NRP2: variants seen among roughly 807,000 people sequenced by gnomAD.
NRP2 encodes neuropilin-2.
NRP2 carries 52 observed loss-of-function variants against 110.4 expected under a neutral mutation model. That is an observed-to-expected ratio of 0.47 (90% CI 0.38 to 0.59). The LOEUF is 0.59. Among genes scored for constraint, NRP2 ranks in the 20% least tolerant of loss-of-function variants. The pLI, the probability that NRP2 is intolerant of heterozygous loss-of-function variation, is 0.00. For missense variants in NRP2, 1,049 were observed against 1,203.0 expected (o/e 0.87, Z 1.89); for synonymous variants, 508 against 468.9 (o/e 1.08, Z -1.08).
chr2:205,697,739 C>G lies in NRP2; in HGVS notation c.251+18C>G. On this transcript the variant is annotated intron_variant, in intron 2 of 16. Coordinates refer to ENST00000357785, the MANE Select transcript of NRP2 (RefSeq NM_003872.3). ...GACTGCAAGTAAGCACCGTCCTGTCCCACTGTGTATCCCATCCATGAGATG... is the reference window on the plus strand; with the variant it reads ...GACTGCAAGTAAGCACCGTCCTGTCGCACTGTGTATCCCATCCATGAGATG... The G allele has an allele frequency of 1.2e-6, 2 of 1,612,976 alleles. No homozygotes were observed. The highest frequency in any genetic ancestry group is 1.7e-6 in the Non-Finnish European group (2 of 1,179,186).
intron 2 of NRP2, among the ~76,000 whole-genome samples, chr2:205,710,652 A>G (rs2056777834): frequency 6.6e-6 from 1 of 152,202 alleles, no homozygotes; most frequent in South Asian, 2.1e-4. Flanking sequence ...CCGACCAGAG[A>G]CCTCAGCATT....
chr2:205,702,125 A>G (rs140370776), intron 2 of NRP2, among the ~76,000 whole-genome samples: 2 of 152,214 alleles, frequency 1.3e-5, no homozygotes, highest in Non-Finnish European at 2.9e-5. Context: ...CTGTGTTAGC[A>G]TCATTGGACT....
At chr2:205,758,097 C>A (rs887653100) in intron 12 of NRP2, among the ~76,000 whole-genome samples, 1 of 152,148 alleles carries the variant, frequency 6.6e-6, no homozygotes, top group Non-Finnish European at 1.5e-5. Context: ...TATTGTAAAC[C>A]TTGAGAACAT....
intron 2 of NRP2, among the ~76,000 whole-genome samples, chr2:205,713,709 A>G (rs1254980439): frequency 1.3e-5 from 2 of 152,240 alleles, no homozygotes; most frequent in Admixed American, 6.5e-5. Context: ...GTAGCAGGAG[A>G]GTATTCCATT....
intron 12 of NRP2, among the ~76,000 whole-genome samples, chr2:205,755,899 G>A (rs1483230008): frequency 6.6e-6 from 1 of 152,180 alleles, no homozygotes; most frequent in Non-Finnish European, 1.5e-5. Context: ...TGAAGAGAAA[G>A]GTGGATGGGA....
chr2:205,790,822 G>A (rs140461014), intron 15 of NRP2, among the ~76,000 whole-genome samples: 1 of 152,168 alleles, frequency 6.6e-6, no homozygotes, highest in African/African-American at 2.4e-5. Context: ...GGGCGTTGAG[G>A]TGGGGAGGCT....
chr2:205,727,900 C>A lies in NRP2; in HGVS notation c.1000C>A (p.Arg334Ser), dbSNP rs114144673. Residue 334 changes from arginine to serine, a missense_variant, in exon 7 of 17, where the codon CGC becomes AGC. Physicochemically the swap from Arg to Ser is moderately radical, Grantham distance 110 (BLOSUM62 -1). Coordinates refer to ENST00000357785, the MANE Select transcript of NRP2 (RefSeq NM_003872.3). ...GCCCTCTATTCCCCAGGTGGACCTGCGCTTTTTAACCATGCTCACGGCCAT... is the reference window on the plus strand; with the variant it reads ...GCCCTCTATTCCCCAGGTGGACCTGAGCTTTTTAACCATGCTCACGGCCAT... ...SNKEYLQVDLRFLTMLTAIAT... is the reference protein window; with the variant it reads ...SNKEYLQVDLSFLTMLTAIAT... 3.2e-5 allele frequency: 51 copies of A among 1,613,244 alleles called. No individual in the cohort carries two copies. Among genetic ancestry groups the A allele is most frequent in the Non-Finnish European group, 4.2e-5 (50 of 1,179,644 alleles).
At chr2:205,736,711 T>C (rs1264007715) in intron 7 of NRP2, among the ~76,000 whole-genome samples, 4 of 152,238 alleles carry the variant, frequency 2.6e-5, no homozygotes, top group Admixed American at 2.0e-4. Flanking sequence ...AACCAAGGTA[T>C]CTAAGGTTTA....
At chr2:205,738,527 G>A (rs921872271) in intron 7 of NRP2, among the ~76,000 whole-genome samples, 1 of 152,186 alleles carries the variant, frequency 6.6e-6, no homozygotes, top group Non-Finnish European at 1.5e-5. Context: ...TCAGTACGAA[G>A]GAAGTAGGGT....
rs1229947464 is a variant in NRP2 at position 205,748,470 on chromosome 2, T to G, written c.1787-1255T>G. Among the ~76,000 whole-genome samples, 3 of 152,338 alleles carry G rather than the reference T, an allele frequency of 2.0e-5. No individual in the cohort carries two copies. In the East Asian group the frequency reaches 5.8e-4, roughly 29 times the overall value. ...AACTTGAACTTACAAATTAGGACAC[T>G]TCGAGGTTATTTGCTATTTACTGTG... is the stretch of plus-strand genomic sequence containing the variant. On this transcript the variant is annotated intron_variant, in intron 10 of 16. Transcript: ENST00000357785.
At chr2:205,728,072 G>A (rs1559331247) in intron 7 of NRP2, 26 bp downstream of exon 7, 1 of 1,613,858 alleles carries the variant, frequency 6.2e-7, no homozygotes. Context: ...TACCTTAAAG[G>A]CACATTGGAC....
At chr2:205,769,026 T>C (rs919852033) in intron 15 of NRP2, among the ~76,000 whole-genome samples, 1 of 152,148 alleles carries the variant, frequency 6.6e-6, no homozygotes, top group African/African-American at 2.4e-5. Context: ...AACTTTTCTG[T>C]TTGAGAGAGG....
Position 205,714,396 on chromosome 2 carries a change from G to A in NRP2, c.252-1797G>A, listed in dbSNP as rs537149439. On this transcript the variant is annotated intron_variant, in intron 2 of 16. Coordinates refer to ENST00000357785, the MANE Select transcript of NRP2 (RefSeq NM_003872.3). ...GTCTGATTAATGAACATGGGTAGCA[G>A]AGCCTCTCAACCTTTGTGCACATTG... Among the ~76,000 whole-genome samples, 8 of 152,318 alleles carry A rather than the reference G, an allele frequency of 5.3e-5. No homozygotes were observed. The East Asian group carries it at 1.3e-3, about 26-fold the overall frequency.
intron 7 of NRP2, among the ~76,000 whole-genome samples, chr2:205,731,514 G>A (rs1017654874): frequency 6.6e-6 from 1 of 152,172 alleles, no homozygotes; most frequent in Admixed American, 6.5e-5. Flanking sequence ...GCTGTGCCTC[G>A]GGAATGGAAC....
intron 7 of NRP2, 92 bp from the exon 8 acceptor site, chr2:205,740,427 G>T: frequency 7.1e-7 from 1 of 1,402,380 alleles, no homozygotes. Context: ...AAGAAAATTT[G>T]ACAGAACTTT....
rs889620760 is a variant in NRP2, at chr2:205,686,762, G to A, written c.73+3399G>A. Among the ~76,000 whole-genome samples the A allele has an allele frequency of 1.7e-4, 26 of 152,122 alleles. No individual in the cohort carries two copies. The highest frequency in any genetic ancestry group is 6.5e-4 in the Admixed American group (10 of 15,284). On this transcript the variant is annotated intron_variant, in intron 1 of 16. Coordinates refer to ENST00000357785, the MANE Select transcript of NRP2 (RefSeq NM_003872.3). The surrounding 1 kb of genome is among the most constrained non-coding windows in gnomAD (Gnocchi z 4.7). ...GGCTCCGGCTGAATTTCTTCTAAAAGATAGGAGATCCACGCTCAGGTTTAT... is the reference window on the plus strand; with the variant it reads ...GGCTCCGGCTGAATTTCTTCTAAAAAATAGGAGATCCACGCTCAGGTTTAT...
intron 2 of NRP2, among the ~76,000 whole-genome samples, chr2:205,702,538 C>G (rs79147170): frequency 5.3e-4 from 81 of 152,316 alleles, no homozygotes; most frequent in African/African-American, 1.8e-3. Context: ...ATATTTGCCT[C>G]TAAGTGTCCT....
In NRP2 at chr2:205,764,900, A is replaced by C. The variant is rs1575650216; in HGVS notation, c.2308-574A>C. Among the ~76,000 whole-genome samples, 5 of 152,188 alleles carry C rather than the reference A, an allele frequency of 3.3e-5. No individual in the cohort carries two copies. In the South Asian group the frequency reaches 1.0e-3, roughly 32 times the overall value. On this transcript the variant is annotated intron_variant, in intron 13 of 16. Coordinates refer to ENST00000357785, the MANE Select transcript of NRP2 (RefSeq NM_003872.3). Reference sequence around the variant, plus strand: ...CTTCTCTGGGCAGAGATCTTGTCTTACTAGGTTTTGTTACTATCCTTATGT... The same window carrying C: ...CTTCTCTGGGCAGAGATCTTGTCTTCCTAGGTTTTGTTACTATCCTTATGT...
intron 15 of NRP2, chr2:205,767,528 A>C (rs545462131): frequency 1.2e-5 from 5 of 428,948 alleles, no homozygotes; most frequent in South Asian, 8.2e-5. Flanking sequence ...GAAAGCAGAG[A>C]GAGCAGAGCA....
Sources: allele counts gnomAD v4.1 joint callset (sites outside exome capture counted in the v4.1 genomes callset), GRCh38; gene constraint gnomAD v4.1.1; non-coding constraint Gnocchi (gnomAD v3.1); transcripts MANE v1.5; gene names NCBI Gene and HGNC (gene_info 2026-07-23, HGNC 2026-07-21).